Variants in OR3A1 observed in about 807,000 individuals in gnomAD.
OR3A1 encodes olfactory receptor 3A1.
For missense variants in OR3A1, 402 were observed against 393.8 expected (o/e 1.02, Z -0.18); for synonymous variants, 145 against 160.0 (o/e 0.91, Z 0.71).
Position 3,294,959 on chromosome 17 carries a change from G to GT in OR3A1, c.-6-2372dup, listed in dbSNP as rs947246146. On this transcript the variant is annotated intron_variant, in intron 1 of 1. Coordinates refer to ENST00000323404, the MANE Select transcript of OR3A1 (RefSeq NM_002550.3). ...CAGACTTCAGAGTTTTGTTTTGTTT[G>GT]TTTTTTTTAACAGAAGCTTTTTTAA... Among the ~76,000 whole-genome samples, 48 of 151,698 alleles carry GT rather than the reference G, an allele frequency of 3.2e-4. 1 individual carries two copies. The South Asian group carries it at 5.4e-3, about 17-fold the overall frequency.
At chr17:3,293,175 AG>A (rs1427914752) in intron 1 of OR3A1, among the ~76,000 whole-genome samples, 4 of 150,298 alleles carry the variant, frequency 2.7e-5, no homozygotes, top group Non-Finnish European at 5.9e-5. Flanking sequence ...AAGGGTGGGT[AG>A]GGGGAGGCAA....
rs1156836491 is a variant in OR3A1 at position 3,291,080 on chromosome 17, T to A, written c.*555A>T. ...GAATACATAATCATACAGCTTCCCCTCTGTCCCCTGTCTATGCTATGGGGT... is the reference window on the plus strand; with the variant it reads ...GAATACATAATCATACAGCTTCCCCACTGTCCCCTGTCTATGCTATGGGGT... On this transcript the variant is annotated 3_prime_UTR_variant, in exon 2 of 2. Coordinates refer to ENST00000323404, the MANE Select transcript of OR3A1 (RefSeq NM_002550.3). The A allele has an allele frequency of 6.6e-6, 1 of 152,312 alleles. No homozygotes were observed. Among genetic ancestry groups the A allele is most frequent in the African/African-American group, 2.4e-5 (1 of 41,448 alleles). 9.4% of individuals were successfully genotyped at this position (152,312 alleles called of 1,614,324 possible). A position where few individuals can be genotyped will look rare whatever the true frequency, so the allele number is the denominator to read the frequency against.
At chr17:3,293,672 A>G (rs901051252) in intron 1 of OR3A1, among the ~76,000 whole-genome samples, 1 of 152,232 alleles carries the variant, frequency 6.6e-6, no homozygotes, top group Non-Finnish European at 1.5e-5. Flanking sequence ...TGAACATATG[A>G]AAACTGTTAC....
rs1192513342 is a variant in OR3A1, at chr17:3,291,029, G to C, written c.*606C>G. 2 of 152,182 alleles carry C rather than the reference G, an allele frequency of 1.3e-5. No homozygotes were observed. The highest frequency in any genetic ancestry group is 2.9e-5 in the Non-Finnish European group (2 of 68,054). 9.4% of individuals were successfully genotyped at this position (152,182 alleles called of 1,614,324 possible). On this transcript the variant is annotated 3_prime_UTR_variant, in exon 2 of 2. Transcript: ENST00000323404. ...AAACAAGTCTGTGAGCTGCACACAGGTATCAGGTGCTCCAGAATTACTAGA... is the reference window on the plus strand; with the variant it reads ...AAACAAGTCTGTGAGCTGCACACAGCTATCAGGTGCTCCAGAATTACTAGA...
intron 1 of OR3A1, among the ~76,000 whole-genome samples, chr17:3,293,489 A>T (rs28390110): frequency 6.6e-6 from 1 of 152,302 alleles, no homozygotes; most frequent in African/African-American, 2.4e-5. Context: ...CATGTCTTAG[A>T]CTTGCAAGAT....
chr17:3,296,148 TACAA>T (rs775443504), intron 1 of OR3A1, among the ~76,000 whole-genome samples: 2 of 151,870 alleles, frequency 1.3e-5, no homozygotes, highest in Non-Finnish European at 2.9e-5. Flanking sequence ...GAACAAATAA[TACAA>T]ACAATGATAT....
At chr17:3,295,377 T>C (rs2048911254) in intron 1 of OR3A1, among the ~76,000 whole-genome samples, 1 of 152,074 alleles carries the variant, frequency 6.6e-6, no homozygotes, top group African/African-American at 2.4e-5. Context: ...TCATTGTGCT[T>C]ATACCAGGGA....
Position 3,292,259 on chromosome 17 carries a change from A to C in OR3A1, c.324T>G (p.His108Gln). 1 of 1,614,162 alleles carries C rather than the reference A, an allele frequency of 6.2e-7. No individual in the cohort carries two copies. The change falls in exon 2 of 2, where the codon CAT (histidine) becomes CAG (glutamine). Residue 108 changes from histidine to glutamine, a missense_variant. Transcript: ENST00000323404. ...GACLTQLFFFHLFVGVDCFLL... is the reference protein window; with the variant it reads ...GACLTQLFFFQLFVGVDCFLL... Reference sequence around the variant, plus strand: ...GGAAGCAGTCCACTCCAACGAACAGATGGAAGAAGAAGAGCTGGGTAAGGC... The same window carrying C: ...GGAAGCAGTCCACTCCAACGAACAGCTGGAAGAAGAAGAGCTGGGTAAGGC...
chr17:3,293,928 G>A (rs942800423), intron 1 of OR3A1, among the ~76,000 whole-genome samples: 3 of 152,090 alleles, frequency 2.0e-5, no homozygotes, highest in African/African-American at 7.2e-5. Context: ...TACACAGACA[G>A]GGAAACAACA....
rs1015209146 is a variant in OR3A1 at position 3,297,764 on chromosome 17, T to C, written c.-7+519A>G. 5.9e-5 allele frequency among the ~76,000 whole-genome samples: 9 copies of C among 152,154 alleles called. 1 individual carries two copies. The highest frequency in any genetic ancestry group is 2.2e-4 in the African/African-American group (9 of 41,416). ...TAAATAAATAAATGAACTTTGAAAG[T>C]ATGACCGTAAGAGCAACAATATTTC... On this transcript the variant is annotated intron_variant, in intron 1 of 1. Coordinates refer to ENST00000323404, the MANE Select transcript of OR3A1 (RefSeq NM_002550.3).
chr17:3,295,050 T>C (rs1452171369), intron 1 of OR3A1, among the ~76,000 whole-genome samples: 1 of 152,124 alleles, frequency 6.6e-6, no homozygotes, highest in Non-Finnish European at 1.5e-5. Flanking sequence ...GTGGTTAATA[T>C]TAAATGTATT....
rs1276724360 is a variant in OR3A1, at chr17:3,291,899, G to A, written c.684C>T (p.Val228=). The A allele has an allele frequency of 6.2e-7, 1 of 1,614,246 alleles. No individual in the cohort carries two copies. ...TGCCCTCTACAGAGCGAATTCGCAG[G>A]ACTGCAGCTGCCACGTGGATATAGG... is the stretch of plus-strand genomic sequence containing the variant. The part of the protein sequence containing the change: ...VISYIHVAAA[V]LRIRSVEGRK... The change falls in exon 2 of 2, where the codon GTC becomes GTT. Residue 228 remains valine, a synonymous_variant. Transcript: ENST00000323404.
At chr17:3,294,402 C>G (rs1287745969) in intron 1 of OR3A1, among the ~76,000 whole-genome samples, 1 of 151,378 alleles carries the variant, frequency 6.6e-6, no homozygotes, top group Non-Finnish European at 1.5e-5. Flanking sequence ...TAAAAGATGA[C>G]AAGATGCAAT....
chr17:3,292,171 G>A lies in OR3A1; in HGVS notation c.412C>T (p.Arg138Cys), dbSNP rs577166909. The A allele has an allele frequency of 7.4e-6, 12 of 1,614,062 alleles. No individual in the cohort carries two copies. The highest frequency in any genetic ancestry group is 1.7e-5 in the Admixed American group (1 of 60,002). Residue 138 changes from arginine (R) to cysteine (C), a missense_variant, in exon 2 of 2, where the codon CGC becomes TGC. By Grantham distance (180) the Arg-to-Cys change is radical. Transcript: ENST00000323404. ...AICRPLTYSTRMSQTVQRMLV... is the reference protein window; with the variant it reads ...AICRPLTYSTCMSQTVQRMLV... ...ATCCTCTGGACTGTCTGACTCATGC[G>A]GGTGCTGTAGGTGAGGGGCCGGCAG...
chr17:3,292,745 T>C, intron 1 of OR3A1, 157 bp from the exon 2 acceptor site: 2 of 611,632 alleles, frequency 3.3e-6, no homozygotes, highest in Non-Finnish European at 5.7e-6. Context: ...ACTACACTTG[T>C]TTACTCTGTC....
At chr17:3,293,630 A>T (rs769311880) in intron 1 of OR3A1, among the ~76,000 whole-genome samples, 2 of 152,222 alleles carry the variant, frequency 1.3e-5, no homozygotes, top group Non-Finnish European at 2.9e-5. Flanking sequence ...CAAATGGATG[A>T]CAAAATTCAC....
At chr17:3,294,504 G>A (rs1470369859) in intron 1 of OR3A1, among the ~76,000 whole-genome samples, 2 of 151,954 alleles carry the variant, frequency 1.3e-5, no homozygotes, top group African/African-American at 4.8e-5. Flanking sequence ...TCAAAAAAGT[G>A]GAAAAGAACA....
chr17:3,292,697 C>T (rs951936788), intron 1 of OR3A1, 109 bp from the exon 2 acceptor site: 1 of 891,192 alleles, frequency 1.1e-6, no homozygotes, highest in Non-Finnish European at 1.7e-6. Context: ...GCCACGTTCC[C>T]TCTGTACAAG....
Position 3,292,148 on chromosome 17 carries a change from C to T in OR3A1, c.435G>A (p.Arg145=). ...AAGCCCAGGACGCAGCCACCAACAT[C>T]CTCTGGACTGTCTGACTCATGCGGG... The part of the protein sequence containing the change: ...YSTRMSQTVQ[R]MLVAASWACA... The change falls in exon 2 of 2, where the codon AGG becomes AGA. Residue 145 remains arginine, a synonymous_variant. Transcript: ENST00000323404. 1 of 1,614,116 alleles carries T rather than the reference C, an allele frequency of 6.2e-7. No homozygotes were observed. Among genetic ancestry groups the T allele is most frequent in the Non-Finnish European group, 8.5e-7 (1 of 1,180,014 alleles).
Sources: gnomAD v4.1 joint callset for allele counts (sites outside exome capture counted in the v4.1 genomes callset) on GRCh38, gnomAD v4.1.1 for gene constraint, MANE v1.5 for transcripts, NCBI Gene and HGNC (gene_info 2026-07-23, HGNC 2026-07-21) for gene names.